C4orf51: variants seen among roughly 807,000 people sequenced by gnomAD.
The protein encoded by C4orf51 is uncharacterized protein C4orf51.
In C4orf51, 25 loss-of-function variants were observed where a neutral mutation model predicts 25.2. The observed-to-expected ratio is 0.99, with a 90% CI of 0.72 to 1.39. C4orf51 has a LOEUF of 1.39. Ranked by LOEUF, C4orf51 falls within the 40% of genes most tolerant of loss-of-function variation. The pLI, the probability that C4orf51 is intolerant of heterozygous loss-of-function variation, is 0.00. For missense variants in C4orf51, 252 were observed against 239.6 expected (o/e 1.05, Z -0.34); for synonymous variants, 100 against 84.5 (o/e 1.18, Z -1.01).
chr4:145,757,241 A>G (rs1030412051), downstream of C4orf51, among the ~76,000 whole-genome samples: 2 of 152,214 alleles, frequency 1.3e-5, no homozygotes. Flanking sequence ...TAGTTGCCCA[A>G]CTTCATTAAG....
At chr4:145,690,938 C>T (rs1034074069) in intron 1 of C4orf51, among the ~76,000 whole-genome samples, 17 of 151,592 alleles carry the variant, frequency 1.1e-4, no homozygotes, top group East Asian at 7.8e-4. Flanking sequence ...CCCATCTCCC[C>T]GCTCCCACCC....
chr4:145,705,658 G>A (rs571652833), intron 2 of C4orf51, among the ~76,000 whole-genome samples: 1 of 152,282 alleles, frequency 6.6e-6, no homozygotes, highest in East Asian at 1.9e-4. Flanking sequence ...AAGAGAGACA[G>A]GGACAGGATT....
At chr4:145,687,736 C>T (rs1371753491) in intron 1 of C4orf51, among the ~76,000 whole-genome samples, 1 of 152,170 alleles carries the variant, frequency 6.6e-6, no homozygotes, top group Non-Finnish European at 1.5e-5. Flanking sequence ...TCAGGTTATG[C>T]TTCTCAAATG....
chr4:145,736,937 C>T (rs1262413718), downstream of C4orf51, among the ~76,000 whole-genome samples: 1 of 152,178 alleles, frequency 6.6e-6, no homozygotes, highest in Non-Finnish European at 1.5e-5. Flanking sequence ...CTCCCTGCCA[C>T]ACCCTGGCGG....
At chr4:145,744,769 C>T (rs901664859) in intron 1 of C4orf51, among the ~76,000 whole-genome samples, 3 of 151,828 alleles carry the variant, frequency 2.0e-5, no homozygotes, top group African/African-American at 4.8e-5. Flanking sequence ...AAGAGAATGG[C>T]GTGAACCCAG....
intron 1 of C4orf51, among the ~76,000 whole-genome samples, chr4:145,750,913 C>G (rs1421976207): frequency 6.6e-6 from 1 of 152,034 alleles, no homozygotes; most frequent in East Asian, 1.9e-4. Context: ...TCTGCTTGAT[C>G]AATTCTGCTG....
In C4orf51 at chr4:145,765,420, G is replaced by A; in HGVS notation, n.167-5568G>A. On this transcript the variant is annotated intron_variant and non_coding_transcript_variant, in intron 1 of 1. Transcript: ENST00000510096. This position sits in a 1 kb window ranked among gnomAD's most constrained non-coding sequence, Gnocchi z 4.7. ...CAAAAGAAATACAACCTTTAGGTGA[G>A]GCCCAGCATACTGCATCCTGGGCCT... The A allele has an allele frequency of 2.5e-6, 3 of 1,189,534 alleles. No homozygotes were observed. In the South Asian group the frequency reaches 4.9e-5, roughly 19 times the overall value. The allele number at this position is 1,189,534 out of a possible 1,614,324, so 73.7% of individuals were successfully genotyped here. A position where few individuals can be genotyped will look rare whatever the true frequency, so the allele number is the denominator to read the frequency against.
At chr4:145,777,273 A>G in the C4orf51 span, among the ~76,000 whole-genome samples, 1 of 152,162 alleles carries the variant, frequency 6.6e-6, no homozygotes, top group Admixed American at 6.5e-5. Context: ...TGAGGTTGTT[A>G]AGTTTTGTTA....
chr4:145,733,931 T>C (rs754855241), downstream of C4orf51, among the ~76,000 whole-genome samples: 115 of 152,242 alleles, frequency 7.6e-4, no homozygotes, highest in Admixed American at 2.5e-3. Context: ...ATCTCGAATT[T>C]CTTGGCTTTT....
chr4:145,714,483 A>G (rs973904623), intron 2 of C4orf51, among the ~76,000 whole-genome samples: 5 of 152,188 alleles, frequency 3.3e-5, no homozygotes, highest in East Asian at 1.9e-4. Flanking sequence ...GCCACTATCT[A>G]TCTTCTGACC....
intron 2 of C4orf51, among the ~76,000 whole-genome samples, chr4:145,701,321 A>G (rs915253570): frequency 6.6e-6 from 1 of 151,946 alleles, no homozygotes; most frequent in Admixed American, 6.6e-5. Context: ...AAACGCCTAA[A>G]CCGAAGTGCC....
At chr4:145,733,557 C>A (rs180929056), downstream of C4orf51, among the ~76,000 whole-genome samples, 135 of 152,358 alleles carry the variant, frequency 8.9e-4, no homozygotes, top group African/African-American at 3.1e-3. Context: ...TCCCCACACC[C>A]CCTTCCGTTT....
At position 145,727,895 on chromosome 4, in the gene C4orf51, G is replaced by GTGTATATATATATATATA. The variant is rs529040880; in HGVS notation, c.366+927_366+928insGTATATATATATATATAT. On this transcript the variant is annotated intron_variant, in intron 3 of 5. Transcript: ENST00000438731. The stretch of plus-strand genomic sequence containing the variant: ...GAAACTCCACCTACAAAAAAAATGT[G>GTGTATATATATATATATA]TATATATATATATATATATATATAT... 5.7e-4 allele frequency among the ~76,000 whole-genome samples: 58 copies of GTGTATATATATATATATA among 101,612 alleles called. 1 individual carries two copies. The highest frequency in any genetic ancestry group is 1.2e-3 in the South Asian group (4 of 3,374). The allele number at this position is 101,612 out of a possible 152,430, so 66.7% of individuals were successfully genotyped here. A position where few individuals can be genotyped will look rare whatever the true frequency, so the allele number is the denominator to read the frequency against.
intron 2 of C4orf51, among the ~76,000 whole-genome samples, chr4:145,701,279 C>T (rs1730423946): frequency 6.6e-6 from 1 of 151,836 alleles, no homozygotes; most frequent in African/African-American, 2.4e-5. Flanking sequence ...TGAGACAAAC[C>T]CCAGCCACAT....
At chr4:145,730,691 G>T (rs367625688) in intron 5 of C4orf51, among the ~76,000 whole-genome samples, 2 of 87,974 alleles carry the variant, frequency 2.3e-5, no homozygotes, top group Non-Finnish European at 2.1e-5. Context: ...TGATATGCTC[G>T]TTATGTGTGT....
At chr4:145,695,807 T>A (rs1578940153) in intron 1 of C4orf51, among the ~76,000 whole-genome samples, 4 of 152,190 alleles carry the variant, frequency 2.6e-5, no homozygotes, top group Admixed American at 2.0e-4. Flanking sequence ...GGGGTACATA[T>A]ACATCATGAA....
chr4:145,764,101 T>C (rs1056536718), intron 1 of C4orf51, among the ~76,000 whole-genome samples: 1 of 152,212 alleles, frequency 6.6e-6, no homozygotes, highest in African/African-American at 2.4e-5. Flanking sequence ...CAAAAGGTTT[T>C]TTCCCCCTTG....
intron 1 of C4orf51, among the ~76,000 whole-genome samples, chr4:145,681,931 C>T (rs2126646954): frequency 6.6e-6 from 1 of 152,212 alleles, no homozygotes; most frequent in South Asian, 2.1e-4. Context: ...ACACTCAAAC[C>T]ATAACAGGAG....
At chr4:145,742,532 G>GTTTTTTTTTTTT (rs141147414) in intron 1 of C4orf51, among the ~76,000 whole-genome samples, 1 of 104,990 alleles carries the variant, frequency 9.5e-6, no homozygotes, top group Non-Finnish European at 1.9e-5. Flanking sequence ...TCTTTTTCTT[G>GTTTTTTTTTTTT]TTTTTTTTTT....
Sources: allele counts gnomAD v4.1 joint callset (sites outside exome capture counted in the v4.1 genomes callset), GRCh38; gene constraint gnomAD v4.1.1; non-coding constraint Gnocchi (gnomAD v3.1); transcripts MANE v1.5; gene names NCBI Gene and HGNC (gene_info 2026-07-23, HGNC 2026-07-21).